CLTC: variants seen among roughly 807,000 people sequenced by gnomAD.
CLTC encodes the protein clathrin heavy chain 1.
CLTC carries 16 observed loss-of-function variants against 195.8 expected under a neutral mutation model. That is an observed-to-expected ratio of 0.08 (90% confidence interval 0.06 to 0.12). The LOEUF is 0.12. Among genes scored for constraint, CLTC ranks in the 10% least tolerant of loss-of-function variants. The pLI, the probability that CLTC is intolerant of heterozygous loss-of-function variation, is 1.00. For synonymous variants in CLTC, 667 were observed against 689.4 expected, an observed-to-expected ratio of 0.97 and a Z score of 0.51; for missense variants, 796 against 2,027.0, an observed-to-expected ratio of 0.39 and a Z score of 11.66.
intron 1 of CLTC, among the ~76,000 whole-genome samples, chr17:59,642,639 C>A (rs1441453585): frequency 1.3e-5 from 2 of 152,126 alleles, no homozygotes; most frequent in East Asian, 3.9e-4. Context: ...GTTTATAAGG[C>A]TTTACTATAA....
intron 16 of CLTC, 29 bp downstream of exon 16, chr17:59,674,872 T>C (rs1274884751): frequency 6.3e-7 from 1 of 1,598,508 alleles, no homozygotes; most frequent in Non-Finnish European, 8.5e-7. Flanking sequence ...AGGGATAAGT[T>C]ACTCTTTCTT....
Position 59,685,919 on chromosome 17 carries a change from C to G in CLTC, c.4827+111C>G. On this transcript the variant is annotated intron_variant, in intron 30 of 31. Coordinates refer to ENST00000269122, the MANE Select transcript of CLTC (RefSeq NM_004859.4). The surrounding 1 kb of genome is among the most constrained non-coding windows in gnomAD (Gnocchi z 5.0). ...CTTTAGTAGAAGTAAGTCATTTAGT[C>G]GATCATAAAATATTCCTGTTCTTTT... 1 of 817,028 alleles carries G rather than the reference C, an allele frequency of 1.2e-6. No individual in the cohort carries two copies. Among genetic ancestry groups the G allele is most frequent in the Non-Finnish European group, 1.9e-6 (1 of 537,790 alleles). 50.6% of individuals were successfully genotyped at this position (817,028 alleles called of 1,614,324 possible).
chr17:59,622,209 A>G (rs963130371), intron 1 of CLTC, among the ~76,000 whole-genome samples: 1 of 152,184 alleles, frequency 6.6e-6, no homozygotes, highest in Non-Finnish European at 1.5e-5. Context: ...GCGATTTGCA[A>G]ATTGAAAAAT....
intron 6 of CLTC, among the ~76,000 whole-genome samples, chr17:59,656,666 A>ATTTTTTTTTTTTTTTTTTTTTTTTTGT (rs55669818): frequency 2.1e-5 from 2 of 96,222 alleles, no homozygotes; most frequent in South Asian, 3.7e-4. Flanking sequence ...TATTATTTTA[A>ATTTTTTTTTTTTTTTTTTTTTTTTTGT]TTTTTTTTTT....
chr17:59,686,336 A>G (rs1410419208), intron 30 of CLTC, among the ~76,000 whole-genome samples: 1 of 119,906 alleles, frequency 8.3e-6, no homozygotes, highest in Non-Finnish European at 1.8e-5. Flanking sequence ...TTGCCTTATA[A>G]CATTCACTAT....
intron 2 of CLTC, among the ~76,000 whole-genome samples, chr17:59,644,921 G>A (rs924458001): frequency 2.6e-5 from 4 of 152,160 alleles, no homozygotes; most frequent in Non-Finnish European, 5.9e-5. Context: ...ATTAAGTTTG[G>A]TTAAAGAAAA....
chr17:59,675,599 A>G (rs187060964), intron 16 of CLTC, among the ~76,000 whole-genome samples: 51 of 152,332 alleles, frequency 3.3e-4, no homozygotes, highest in Admixed American at 1.6e-3. Context: ...TTTGCATTTA[A>G]GGGTAATAGA....
intron 17 of CLTC, among the ~76,000 whole-genome samples, chr17:59,678,317 G>A (rs1020527446): frequency 6.6e-6 from 1 of 152,138 alleles, no homozygotes; most frequent in African/African-American, 2.4e-5. Flanking sequence ...TCTATAAGTA[G>A]TCTGTAGTAG....
intron 1 of CLTC, among the ~76,000 whole-genome samples, chr17:59,625,585 A>T (rs1003714854): frequency 6.6e-6 from 1 of 152,142 alleles, no homozygotes; most frequent in South Asian, 2.1e-4. Flanking sequence ...GAGCCAAGGT[A>T]GGAGCATTGT....
At chr17:59,633,350 G>A (rs1226241629) in intron 1 of CLTC, among the ~76,000 whole-genome samples, 1 of 152,074 alleles carries the variant, frequency 6.6e-6, no homozygotes, top group Non-Finnish European at 1.5e-5. Context: ...AAAATTAGCT[G>A]GGCGTGGTGG....
intron 1 of CLTC, among the ~76,000 whole-genome samples, chr17:59,638,442 A>T (rs529899818): frequency 7.2e-5 from 11 of 152,078 alleles, no homozygotes; most frequent in Non-Finnish European, 1.2e-4. Flanking sequence ...TGTCATCTCA[A>T]ATGTTTCATA....
intron 3 of CLTC, 22 bp downstream of exon 3, chr17:59,647,688 TA>T: frequency 2.5e-6 from 4 of 1,601,340 alleles, no homozygotes; most frequent in Non-Finnish European, 2.6e-6. Flanking sequence ...ACTATTTTTT[TA>T]TGAAGAAGAG....
At chr17:59,643,096 C>T (rs985409295) in intron 1 of CLTC, among the ~76,000 whole-genome samples, 1 of 147,662 alleles carries the variant, frequency 6.8e-6, no homozygotes, top group Non-Finnish European at 1.5e-5. Context: ...GACAGAAAGA[C>T]TTGATTTTTT....
In CLTC at chr17:59,694,057, G is replaced by A. The variant is rs2033368740; in HGVS notation, c.*205G>A. The A allele has an allele frequency of 6.9e-6, 3 of 436,562 alleles. No homozygotes were observed. Among genetic ancestry groups the A allele is most frequent in the East Asian group, 4.3e-5 (1 of 23,208 alleles). 27.0% of individuals were successfully genotyped at this position (436,562 alleles called of 1,614,324 possible). A position where few individuals can be genotyped will look rare whatever the true frequency, so the allele number is the denominator to read the frequency against. ...CCACATCATTTTAGAATTTATTTTCGAAGGGGAATAGTTTCAATGTTTTAT... is the reference window on the plus strand; with the variant it reads ...CCACATCATTTTAGAATTTATTTTCAAAGGGGAATAGTTTCAATGTTTTAT... On this transcript the variant is annotated 3_prime_UTR_variant, in exon 32 of 32. Coordinates refer to ENST00000269122, the MANE Select transcript of CLTC (RefSeq NM_004859.4).
chr17:59,685,640 C>A lies in CLTC; in HGVS notation c.4659C>A (p.Leu1553=), dbSNP rs2033168931. 6.2e-7 allele frequency: 1 copy of A among 1,613,976 alleles called. No homozygotes were observed. Among genetic ancestry groups the A allele is most frequent in the Non-Finnish European group, 8.5e-7 (1 of 1,179,998 alleles). ...ESKDTELAEE[L]LQWFLQEEKR... ...AAGATACTGAATTGGCTGAAGAACT[C>A]CTGCAGTGGTTTTTGCAGGAAGAAA... is the stretch of plus-strand genomic sequence containing the variant. Residue 1553 remains leucine, a synonymous_variant, in exon 30 of 32, where the codon CTC becomes CTA. Coordinates refer to ENST00000269122, the MANE Select transcript of CLTC (RefSeq NM_004859.4). The surrounding 1 kb of genome is among the most constrained non-coding windows in gnomAD (Gnocchi z 5.0).
chr17:59,673,703 T>C lies in CLTC; in HGVS notation c.2349T>C (p.Phe783=). The stretch of plus-strand genomic sequence containing the variant: ...TCATTGTGTGTGATCGATTTGACTT[T>C]GTCCATGATTTGGTGCTCTATTTAT... ...PLIIVCDRFD[F]VHDLVLYLYR... The change falls in exon 15 of 32, where the codon TTT becomes TTC. Residue 783 remains phenylalanine (F), a synonymous_variant. Transcript: ENST00000269122. 1 of 1,597,254 alleles carries C rather than the reference T, an allele frequency of 6.3e-7. No individual in the cohort carries two copies. Among genetic ancestry groups the C allele is most frequent in the Non-Finnish European group, 8.6e-7 (1 of 1,164,874 alleles).
intron 5 of CLTC, among the ~76,000 whole-genome samples, chr17:59,655,512 A>G (rs2032444156): frequency 2.0e-5 from 3 of 152,244 alleles, no homozygotes; most frequent in South Asian, 4.1e-4. Flanking sequence ...AATAGTGCCA[A>G]TAGGCTTGCT....
intron 1 of CLTC, among the ~76,000 whole-genome samples, chr17:59,639,441 T>A (rs1463079316): frequency 1.3e-5 from 2 of 151,962 alleles, no homozygotes; most frequent in Non-Finnish European, 2.9e-5. Flanking sequence ...TCTTTTAAGT[T>A]AAAAAAAACT....
chr17:59,665,034 G>T, intron 10 of CLTC, 125 bp downstream of exon 10: 2 of 1,257,524 alleles, frequency 1.6e-6, no homozygotes, highest in Non-Finnish European at 2.2e-6. Context: ...AGACCAGTCT[G>T]GGCAACATTG....
Sources: gnomAD v4.1 joint callset for allele counts (sites outside exome capture counted in the v4.1 genomes callset) on GRCh38, gnomAD v4.1.1 for gene constraint, Gnocchi (gnomAD v3.1) non-coding constraint, MANE v1.5 for transcripts, NCBI Gene and HGNC (gene_info 2026-07-23, HGNC 2026-07-21) for gene names.